MBTD1: variants seen among roughly 807,000 people sequenced by gnomAD.
MBTD1 encodes mbt domain containing 1.
A neutral mutation model predicts 87.8 loss-of-function variants in MBTD1; 24 were observed. The ratio of observed to expected loss-of-function variants is 0.27; its 90% confidence interval spans 0.20 to 0.38. MBTD1 has a LOEUF of 0.38. Among genes scored for constraint, MBTD1 ranks in the 10% least tolerant of loss-of-function variants. The probability of loss-of-function intolerance (pLI) is 1.00; values close to 1 mark genes in which losing one functional copy is unlikely to be tolerated. For synonymous variants in MBTD1, 237 were observed against 248.6 expected (o/e 0.95, Z 0.44); for missense variants, 436 against 760.2 (o/e 0.57, Z 5.02).
In MBTD1 at chr17:51,231,231, G is replaced by A. The variant is rs182020436; in HGVS notation, c.-48-6022C>T. 4.2e-4 allele frequency among the ~76,000 whole-genome samples: 64 copies of A among 152,148 alleles called. 1 individual carries two copies. Among genetic ancestry groups the A allele is most frequent in the Admixed American group, 2.4e-3 (36 of 15,276 alleles). ...GATTACAGGTGTGAGCCACCAGCCC[G>A]GCCAGACCTTTTATATCTATAGTTT... On this transcript the variant is annotated intron_variant, in intron 2 of 16. Transcript: ENST00000586178.
Position 51,224,869 on chromosome 17 carries a change from T to A in MBTD1, c.154+139A>T, listed in dbSNP as rs1457124459. 6.3e-6 allele frequency: 3 copies of A among 478,112 alleles called. No homozygotes were observed. The Admixed American group carries it at 1.3e-4, about 20-fold the overall frequency. The allele number at this position is 478,112 out of a possible 1,614,324, so 29.6% of individuals were successfully genotyped here. ...AAAGAGTTAAACACCAACTCAGTGA[T>A]CTTATCTCGAATTATAAACGTCAGC... On this transcript the variant is annotated intron_variant, in intron 3 of 16. Coordinates refer to ENST00000586178, the MANE Select transcript of MBTD1 (RefSeq NM_017643.3).
At chr17:51,221,759 T>C (rs2052906452) in intron 3 of MBTD1, among the ~76,000 whole-genome samples, 3 of 152,206 alleles carry the variant, frequency 2.0e-5, no homozygotes, top group African/African-American at 2.4e-5. Context: ...ATAAGTAATC[T>C]AGACATGATT....
At chr17:51,257,993 GAGA>G (rs2055189528) in intron 2 of MBTD1, among the ~76,000 whole-genome samples, 2 of 134,702 alleles carry the variant, frequency 1.5e-5, no homozygotes, top group Non-Finnish European at 3.1e-5. Flanking sequence ...TTGTTATTCA[GAGA>G]AGGAGGTGGT....
At chr17:51,192,704 A>G in intron 15 of MBTD1, 78 bp downstream of exon 15, 1 of 1,578,424 alleles carries the variant, frequency 6.3e-7, no homozygotes, top group Non-Finnish European at 8.6e-7. Context: ...GTGAGCTCAT[A>G]AGATGACTTA....
At chr17:51,239,697 TC>T (rs2054053968) in intron 2 of MBTD1, among the ~76,000 whole-genome samples, 4 of 151,668 alleles carry the variant, frequency 2.6e-5, no homozygotes, top group Non-Finnish European at 5.9e-5. Flanking sequence ...CTCGCCTTTA[TC>T]CCCCAGCGGT....
chr17:51,207,695 G>A (rs1202984769), intron 6 of MBTD1, among the ~76,000 whole-genome samples: 1 of 152,028 alleles, frequency 6.6e-6, no homozygotes, highest in African/African-American at 2.4e-5. Flanking sequence ...GTTAAGATGG[G>A]GACTCGGAAA....
intron 2 of MBTD1, among the ~76,000 whole-genome samples, chr17:51,243,581 T>C (rs1555696953): frequency 1.3e-5 from 2 of 152,222 alleles, no homozygotes; most frequent in Non-Finnish European, 2.9e-5. Flanking sequence ...TAATTCACCA[T>C]CCACATTCCA....
chr17:51,225,208 G>A lies in MBTD1; in HGVS notation c.-47C>T. 1 of 1,485,966 alleles carries A rather than the reference G, an allele frequency of 6.7e-7. No individual in the cohort carries two copies. Among genetic ancestry groups the A allele is most frequent in the Non-Finnish European group, 9.0e-7 (1 of 1,112,896 alleles). 92.0% of individuals were successfully genotyped at this position (1,485,966 alleles called of 1,614,324 possible). ...CCTTTCAGATCGTGAAGAATGTTCA[G>A]TCTTTGAAGTAAGAGAAACCAGTGA... On this transcript the variant is annotated splice_region_variant and 5_prime_UTR_variant, in exon 3 of 17. Coordinates refer to ENST00000586178, the MANE Select transcript of MBTD1 (RefSeq NM_017643.3).
At chr17:51,182,189 ATC>A in intron 16 of MBTD1, among the ~76,000 whole-genome samples, 1 of 148,092 alleles carries the variant, frequency 6.8e-6, no homozygotes, top group East Asian at 2.0e-4. Context: ...CAGTGGCATG[ATC>A]TCAACTTACT....
intron 2 of MBTD1, among the ~76,000 whole-genome samples, chr17:51,227,315 CT>C (rs577586962): frequency 6.7e-6 from 1 of 150,330 alleles, no homozygotes. Context: ...AATCCTAGTA[CT>C]TTGAGAAGTC....
At chr17:51,245,792 AC>A (rs1264281158) in intron 2 of MBTD1, among the ~76,000 whole-genome samples, 5 of 152,184 alleles carry the variant, frequency 3.3e-5, no homozygotes, top group South Asian at 4.1e-4. Context: ...AGAGCTAGAT[AC>A]CCCCTCAAAA....
chr17:51,183,924 G>T (rs1475669552), intron 16 of MBTD1: 1 of 152,174 alleles, frequency 6.6e-6, no homozygotes, highest in African/African-American at 2.4e-5. Flanking sequence ...AATGAGAAAA[G>T]AATTAATGTG....
chr17:51,238,188 C>T (rs980564249), intron 2 of MBTD1, among the ~76,000 whole-genome samples: 6 of 152,076 alleles, frequency 3.9e-5, no homozygotes, highest in African/African-American at 9.7e-5. Flanking sequence ...GTTTCATGAG[C>T]GTACACCTAT....
At chr17:51,213,257 C>G (rs952983148) in intron 6 of MBTD1, among the ~76,000 whole-genome samples, 5 of 151,960 alleles carry the variant, frequency 3.3e-5, no homozygotes, top group African/African-American at 1.2e-4. Flanking sequence ...GTCTCAAACT[C>G]CTGGGCTCAA....
chr17:51,233,389 G>A (rs1293172960), intron 2 of MBTD1, among the ~76,000 whole-genome samples: 3 of 151,890 alleles, frequency 2.0e-5, no homozygotes, highest in Admixed American at 6.6e-5. Context: ...ATAAGAAAAC[G>A]CTAAAAAAAA....
intron 3 of MBTD1, among the ~76,000 whole-genome samples, chr17:51,220,884 A>G (rs1485595430): frequency 6.6e-6 from 1 of 152,258 alleles, no homozygotes; most frequent in Non-Finnish European, 1.5e-5. Flanking sequence ...ACAGGCCTTT[A>G]AAATACTGCA....
chr17:51,196,490 C>T (rs1473142582), intron 12 of MBTD1, among the ~76,000 whole-genome samples: 3 of 152,056 alleles, frequency 2.0e-5, no homozygotes, highest in South Asian at 2.1e-4. Flanking sequence ...AGGCTGCCCC[C>T]CCTTTTTAAA....
At chr17:51,218,020 T>G (rs1451260177) in intron 5 of MBTD1, among the ~76,000 whole-genome samples, 1 of 152,230 alleles carries the variant, frequency 6.6e-6, no homozygotes, top group African/African-American at 2.4e-5. Context: ...CTGTTGTGGC[T>G]GCTTTTGTGC....
intron 2 of MBTD1, among the ~76,000 whole-genome samples, chr17:51,246,641 T>C (rs2144118528): frequency 6.6e-6 from 1 of 152,292 alleles, no homozygotes; most frequent in Middle Eastern, 3.4e-3. Flanking sequence ...GTTATGTCTC[T>C]AATTTGTTTT....
Sources: allele counts gnomAD v4.1 joint callset (sites outside exome capture counted in the v4.1 genomes callset), GRCh38; gene constraint gnomAD v4.1.1; transcripts MANE v1.5; gene names NCBI Gene and HGNC (gene_info 2026-07-23, HGNC 2026-07-21).